Variants in FAT3 observed in about 807,000 individuals in gnomAD.
FAT3 encodes protocadherin Fat 3.
A neutral mutation model predicts 310.2 loss-of-function variants in FAT3; 95 were observed. The ratio of observed to expected loss-of-function variants is 0.31; its 90% CI spans 0.26 to 0.36. The LOEUF is 0.36. Among genes scored for constraint, FAT3 ranks in the 10% least tolerant of loss-of-function variants. The probability of loss-of-function intolerance (pLI) is 1.00; values close to 1 mark genes in which losing one functional copy is unlikely to be tolerated. For missense variants in FAT3, 5,408 were observed against 5,715.6 expected (o/e 0.95, Z 1.74); for synonymous variants, 2,314 against 2,192.9 (o/e 1.06, Z -1.54).
At chr11:92,633,364 C>G (rs937411232) in intron 3 of FAT3, among the ~76,000 whole-genome samples, 1 of 151,960 alleles carries the variant, frequency 6.6e-6, no homozygotes, top group African/African-American at 2.4e-5. Context: ...GTTATGTCTT[C>G]CAGGCCAGCA....
intron 18 of FAT3, among the ~76,000 whole-genome samples, chr11:92,843,076 T>C (rs1003337928): frequency 2.0e-5 from 3 of 147,388 alleles, no homozygotes; most frequent in African/African-American, 7.9e-5. Flanking sequence ...CTTAGAGAAG[T>C]TAACTAACAT....
rs2136447547 is a variant in FAT3 at position 92,890,855 on chromosome 11, T to G, written c.13512T>G (p.Asp4504Glu). ...CTCACCCATTCCCCAACGAAACGGA[T>G]TTGGTGGGCCCGCCTGCCAGCTGTG... ...LPPHPFPNET[D>E]LVGPPASCEF... Residue 4504 changes from aspartate (D) to glutamate (E), a missense_variant, in exon 28 of 28, where the codon GAT becomes GAG. Around this residue, in one of 5 missense-constraint regions of FAT3, gnomAD observed 649 missense variants for 666.2 expected, o/e 0.97. Transcript: ENST00000525166. 1 of 1,613,952 alleles carries G rather than the reference T, an allele frequency of 6.2e-7. No homozygotes were observed. Among genetic ancestry groups the G allele is most frequent in the Non-Finnish European group, 8.5e-7 (1 of 1,179,890 alleles).
intron 3 of FAT3, among the ~76,000 whole-genome samples, chr11:92,583,732 G>A (rs1938967101): frequency 6.6e-6 from 1 of 152,100 alleles, no homozygotes; most frequent in South Asian, 2.1e-4. Flanking sequence ...TGATGTTGGT[G>A]GAGCTGATGT....
At chr11:92,700,549 G>A (rs941425323) in intron 4 of FAT3, among the ~76,000 whole-genome samples, 3 of 152,090 alleles carry the variant, frequency 2.0e-5, no homozygotes, top group Admixed American at 6.6e-5. Flanking sequence ...AAGGGCAGTG[G>A]ATCAAGTAGG....
chr11:92,836,459 A>C, intron 15 of FAT3, 107 bp from the exon 16 acceptor site: 1 of 1,315,578 alleles, frequency 7.6e-7, no homozygotes, highest in Admixed American at 2.6e-5. Flanking sequence ...AGAGCTCCCG[A>C]GAAAACTGTC....
chr11:92,643,817 T>A (rs1942049006), intron 3 of FAT3, among the ~76,000 whole-genome samples: 1 of 152,200 alleles, frequency 6.6e-6, no homozygotes, highest in Admixed American at 6.5e-5. Flanking sequence ...CGGTATTGGG[T>A]AGGGGACTTT....
intron 2 of FAT3, among the ~76,000 whole-genome samples, chr11:92,367,756 T>C (rs1361786292): frequency 6.6e-6 from 1 of 152,246 alleles, no homozygotes; most frequent in African/African-American, 2.4e-5. Context: ...CCTGTGGCCT[T>C]AGGCCCATCC....
intron 3 of FAT3, among the ~76,000 whole-genome samples, chr11:92,664,878 T>A (rs1043792857): frequency 6.6e-6 from 1 of 152,140 alleles, no homozygotes; most frequent in Non-Finnish European, 1.5e-5. Flanking sequence ...CCATCCCCAC[T>A]CCCAACAAGG....
chr11:92,368,579 C>T (rs1949085636), intron 2 of FAT3, among the ~76,000 whole-genome samples: 1 of 152,130 alleles, frequency 6.6e-6, no homozygotes, highest in African/African-American at 2.4e-5. Flanking sequence ...CTTCTAGTGA[C>T]AAGTTTACAT....
Position 92,439,238 on chromosome 11 carries a change from C to G in FAT3, c.3292+83834C>G, listed in dbSNP as rs546029448. 2.6e-5 allele frequency among the ~76,000 whole-genome samples: 4 copies of G among 151,488 alleles called. No homozygotes were observed. The South Asian group carries it at 8.3e-4, about 31-fold the overall frequency. Reference sequence around the variant, plus strand: ...AAAAAAACCCACAATTTTTAATGCTCTTTTAAAAAAACAGGCCAGTGCCTC... The same window carrying G: ...AAAAAAACCCACAATTTTTAATGCTGTTTTAAAAAAACAGGCCAGTGCCTC... On this transcript the variant is annotated intron_variant, in intron 2 of 27. Transcript: ENST00000525166.
At chr11:92,230,503 AG>A in intron 1 of FAT3, among the ~76,000 whole-genome samples, 1 of 152,272 alleles carries the variant, frequency 6.6e-6, no homozygotes, top group Admixed American at 6.5e-5. Flanking sequence ...CATGTTGGCC[AG>A]GCTGGTCTCG....
chr11:92,277,139 T>G (rs576468781), intron 1 of FAT3, among the ~76,000 whole-genome samples: 7 of 152,242 alleles, frequency 4.6e-5, no homozygotes, highest in Non-Finnish European at 8.8e-5. Context: ...ATTATGTAAA[T>G]TAATGAAATG....
chr11:92,527,711 T>C (rs1953916192), intron 3 of FAT3, among the ~76,000 whole-genome samples: 1 of 151,976 alleles, frequency 6.6e-6, no homozygotes, highest in East Asian at 1.9e-4. Context: ...CTAATAGAAG[T>C]CTTAATTTTT....
At chr11:92,453,408 G>C (rs746548704) in intron 2 of FAT3, among the ~76,000 whole-genome samples, 5 of 151,576 alleles carry the variant, frequency 3.3e-5, no homozygotes, top group Non-Finnish European at 7.4e-5. Context: ...AGCTTTCCAA[G>C]TTCTTTGGCC....
chr11:92,630,191 T>G (rs1591540598), intron 3 of FAT3, among the ~76,000 whole-genome samples: 2 of 152,192 alleles, frequency 1.3e-5, no homozygotes, highest in African/African-American at 4.8e-5. Flanking sequence ...TAGATGTGGC[T>G]GGCCACTCCC....
chr11:92,566,486 C>T (rs1368545209), intron 3 of FAT3, among the ~76,000 whole-genome samples: 1 of 151,772 alleles, frequency 6.6e-6, no homozygotes, highest in Non-Finnish European at 1.5e-5. Context: ...GATTCAATGC[C>T]ATCCCCATCA....
intron 17 of FAT3, 127 bp downstream of exon 17, chr11:92,837,933 A>G (rs1020105546): frequency 1.7e-6 from 2 of 1,158,018 alleles, no homozygotes; most frequent in East Asian, 2.4e-5. Flanking sequence ...TAGGGCAGGT[A>G]TGAAAAAGAA....
chr11:92,299,248 G>C (rs1946929198), intron 1 of FAT3, among the ~76,000 whole-genome samples: 1 of 152,104 alleles, frequency 6.6e-6, no homozygotes. Flanking sequence ...CTGAGCACTT[G>C]TATTAGGCAT....
At chr11:92,263,618 AGTGT>A (rs555917659) in intron 1 of FAT3, among the ~76,000 whole-genome samples, 58 of 147,480 alleles carry the variant, frequency 3.9e-4, no homozygotes, top group East Asian at 1.0e-3. Context: ...TTTGAATATA[AGTGT>A]GTGTGTGTGT....
Sources: allele counts gnomAD v4.1 joint callset (sites outside exome capture counted in the v4.1 genomes callset), GRCh38; gene constraint gnomAD v4.1.1; regional missense constraint gnomAD v4.1.1; transcripts MANE v1.5; gene names NCBI Gene and HGNC (gene_info 2026-07-23, HGNC 2026-07-21).